Variants in ARL6IP6 observed in about 807,000 individuals in gnomAD.
The protein encoded by ARL6IP6 is ADP-ribosylation factor-like protein 6-interacting protein 6.
A neutral mutation model predicts 21.5 loss-of-function variants in ARL6IP6; 22 were observed. The observed-to-expected ratio is 1.02, with a 90% confidence interval of 0.73 to 1.46. The LOEUF (loss-of-function observed/expected upper bound fraction) is 1.46, where lower values mean the gene tolerates loss of function less well. Ranked by LOEUF, ARL6IP6 falls within the 40% of genes most tolerant of loss-of-function variation. The pLI is 0.00. For missense variants in ARL6IP6, 388 were observed against 299.8 expected (o/e 1.29, Z -2.17); for synonymous variants, 164 against 125.3 (o/e 1.31, Z -2.06).
At chr2:152,720,659 C>G in intron 2 of ARL6IP6, 73 bp downstream of exon 2, 2 of 1,334,426 alleles carry the variant, frequency 1.5e-6, no homozygotes, top group African/African-American at 1.5e-5. Flanking sequence ...TGAACTAACT[C>G]TGGGATAAAA....
chr2:152,737,102 C>T (rs1423703434), intron 3 of ARL6IP6, among the ~76,000 whole-genome samples: 1 of 152,176 alleles, frequency 6.6e-6, no homozygotes, highest in Non-Finnish European at 1.5e-5. Context: ...AACAGTCCTT[C>T]CCCAAATGAC....
upstream of ARL6IP6, chr2:152,718,188 C>G (rs1488395331): frequency 3.5e-6 from 2 of 576,252 alleles, no homozygotes; most frequent in African/African-American, 2.0e-5. Context: ...AGGGAGAAGA[C>G]AAATAGGTTC....
At chr2:152,731,633 A>C (rs1265955020) in intron 2 of ARL6IP6, among the ~76,000 whole-genome samples, 1 of 152,158 alleles carries the variant, frequency 6.6e-6, no homozygotes, top group African/African-American at 2.4e-5. Context: ...TTACAAATTT[A>C]CTTAGTTCTA....
intron 2 of ARL6IP6, among the ~76,000 whole-genome samples, chr2:152,729,454 C>A (rs1366250388): frequency 6.6e-6 from 1 of 152,166 alleles, no homozygotes; most frequent in African/African-American, 2.4e-5. Context: ...TAAAAGCCTG[C>A]AACCTTTGGT....
rs576146064 is a variant in ARL6IP6, at chr2:152,748,184, G to T, written c.588-11563G>T. Among the ~76,000 whole-genome samples the T allele has an allele frequency of 3.3e-4, 51 of 152,296 alleles. No individual in the cohort carries two copies. In the South Asian group the frequency reaches 4.3e-3, roughly 13 times the overall value. ...ATAGCAAAGAAGTGAAATTAGGGAA[G>T]CATTCTCTTTAAAATTCTAACCCTG... On this transcript the variant is annotated intron_variant, in intron 3 of 3. Coordinates refer to ENST00000326446, the MANE Select transcript of ARL6IP6 (RefSeq NM_152522.7).
upstream of ARL6IP6, chr2:152,717,846 G>A (rs921354837): frequency 1.8e-6 from 2 of 1,103,618 alleles, no homozygotes; most frequent in East Asian, 1.6e-4. Context: ...GCCGCCAGGG[G>A]TAGGGTGGAG....
rs1490654792 is a variant in ARL6IP6 at position 152,747,330 on chromosome 2, G to C, written c.587+12204G>C. Among the ~76,000 whole-genome samples, 7 of 152,220 alleles carry C rather than the reference G, an allele frequency of 4.6e-5. No individual in the cohort carries two copies. The East Asian group carries it at 1.4e-3, about 29-fold the overall frequency. ...CATTCTGATCATATTAAACAATTGAGCTTCCTATTCTCTCCATTGTCTCTT... is the reference window on the plus strand; with the variant it reads ...CATTCTGATCATATTAAACAATTGACCTTCCTATTCTCTCCATTGTCTCTT... On this transcript the variant is annotated intron_variant, in intron 3 of 3. Coordinates refer to ENST00000326446, the MANE Select transcript of ARL6IP6 (RefSeq NM_152522.7).
Position 152,759,671 on chromosome 2 carries a change from C to T in ARL6IP6, c.588-76C>T, listed in dbSNP as rs909157078. ...TACACTCCAAGGTCATAAGTATTTTCGATGAAAACTTTTGGTGTCTTTGTT... is the reference window on the plus strand; with the variant it reads ...TACACTCCAAGGTCATAAGTATTTTTGATGAAAACTTTTGGTGTCTTTGTT... On this transcript the variant is annotated intron_variant, in intron 3 of 3. Coordinates refer to ENST00000326446, the MANE Select transcript of ARL6IP6 (RefSeq NM_152522.7). The T allele has an allele frequency of 1.0e-5, 12 of 1,157,992 alleles. No individual in the cohort carries two copies. In the African/African-American group the frequency reaches 1.2e-4, roughly 12 times the overall value. 71.7% of individuals were successfully genotyped at this position (1,157,992 alleles called of 1,614,324 possible). A position where few individuals can be genotyped will look rare whatever the true frequency, so the allele number is the denominator to read the frequency against.
At chr2:152,731,370 T>C (rs959066099) in intron 2 of ARL6IP6, among the ~76,000 whole-genome samples, 6 of 152,188 alleles carry the variant, frequency 3.9e-5, no homozygotes, top group Non-Finnish European at 7.3e-5. Context: ...TTACAAACAG[T>C]CCATTGCATG....
intron 2 of ARL6IP6, among the ~76,000 whole-genome samples, chr2:152,732,871 T>C (rs184002716): frequency 1.7e-3 from 256 of 152,286 alleles, no homozygotes; most frequent in African/African-American, 5.0e-3. Context: ...ATTGGCATTA[T>C]TTTTATTGTT....
intron 2 of ARL6IP6, among the ~76,000 whole-genome samples, chr2:152,731,562 A>G (rs1277241802): frequency 6.6e-6 from 1 of 152,192 alleles, no homozygotes; most frequent in Non-Finnish European, 1.5e-5. Flanking sequence ...AAAGATTCTG[A>G]TACGACCTCC....
chr2:152,759,700 C>T (rs776356898), intron 3 of ARL6IP6, 47 bp from the exon 4 acceptor site: 6 of 1,488,166 alleles, frequency 4.0e-6, no homozygotes, highest in East Asian at 2.3e-5. Flanking sequence ...CTTTGTTATA[C>T]CACGTTACAT....
intron 2 of ARL6IP6, among the ~76,000 whole-genome samples, chr2:152,730,124 A>C (rs1700239990): frequency 6.6e-6 from 1 of 152,216 alleles, no homozygotes; most frequent in Non-Finnish European, 1.5e-5. Flanking sequence ...GCTTCTGATT[A>C]GTTTAAAATG....
chr2:152,743,472 A>G (rs892915566), intron 3 of ARL6IP6, among the ~76,000 whole-genome samples: 2 of 152,190 alleles, frequency 1.3e-5, no homozygotes, highest in African/African-American at 4.8e-5. Flanking sequence ...GGGATTCCAA[A>G]ATAAGTCATT....
At chr2:152,724,554 A>G (rs1228487945) in intron 2 of ARL6IP6, among the ~76,000 whole-genome samples, 2 of 152,246 alleles carry the variant, frequency 1.3e-5, no homozygotes, top group East Asian at 3.8e-4. Flanking sequence ...AAATTATTAC[A>G]GGACTCTTCT....
At chr2:152,722,890 A>G (rs759554793) in intron 2 of ARL6IP6, among the ~76,000 whole-genome samples, 1 of 152,232 alleles carries the variant, frequency 6.6e-6, no homozygotes, top group Non-Finnish European at 1.5e-5. Context: ...CCTCAGCAAC[A>G]GAGCAAGACT....
At chr2:152,733,712 C>T (rs1700428577) in intron 2 of ARL6IP6, among the ~76,000 whole-genome samples, 1 of 152,178 alleles carries the variant, frequency 6.6e-6, no homozygotes. Flanking sequence ...AATATGCTTA[C>T]ATTTTCCATC....
At chr2:152,718,037 G>A, upstream of ARL6IP6, 2 of 994,996 alleles carry the variant, frequency 2.0e-6, no homozygotes, top group Non-Finnish European at 1.2e-6. Flanking sequence ...GTCGAGTAGC[G>A]GGAGGGAAGT....
At chr2:152,717,680 C>A (rs1387008552), upstream of ARL6IP6, 16 of 1,406,618 alleles carry the variant, frequency 1.1e-5, no homozygotes, top group Non-Finnish European at 1.4e-5. Flanking sequence ...CCGAGTCCTC[C>A]GTCGGGAAAA....
Sources: gnomAD v4.1 joint callset for allele counts (sites outside exome capture counted in the v4.1 genomes callset) on GRCh38, gnomAD v4.1.1 for gene constraint, MANE v1.5 for transcripts, NCBI Gene and HGNC (gene_info 2026-07-23, HGNC 2026-07-21) for gene names.